EHD2: variants seen among roughly 807,000 people sequenced by gnomAD.
The protein encoded by EHD2 is EH domain-containing protein 2.
In EHD2, 27 loss-of-function variants were observed where a neutral mutation model predicts 41.0. The ratio of observed to expected loss-of-function variants is 0.66; its 90% CI spans 0.49 to 0.91. The LOEUF is 0.91. EHD2 is among the 40% of genes least tolerant of loss of function. The probability of loss-of-function intolerance (pLI) is 0.00; values close to 1 mark genes in which losing one functional copy is unlikely to be tolerated. For synonymous variants in EHD2, 342 were observed against 341.0 expected (o/e 1.00, Z -0.03); for missense variants, 673 against 773.9 (o/e 0.87, Z 1.55).
chr19:47,724,584 A>G (rs994400818), intron 3 of EHD2, among the ~76,000 whole-genome samples: 3 of 152,084 alleles, frequency 2.0e-5, no homozygotes, highest in Admixed American at 6.6e-5. Context: ...TGAGTGGATG[A>G]AGGAGTGAAT....
intron 5 of EHD2, among the ~76,000 whole-genome samples, chr19:47,737,588 C>T (rs12979972): frequency 6.6e-6 from 1 of 151,866 alleles, no homozygotes. Context: ...ACCCGGGAGG[C>T]AGAGGTTGCA....
At chr19:47,725,365 C>T (rs1973739399) in intron 3 of EHD2, among the ~76,000 whole-genome samples, 1 of 138,528 alleles carries the variant, frequency 7.2e-6, no homozygotes, top group Non-Finnish European at 1.5e-5. Flanking sequence ...GCCCGGCAGC[C>T]CGGGTAACAT....
At chr19:47,714,977 G>T (rs1426159810) in intron 1 of EHD2, among the ~76,000 whole-genome samples, 1 of 151,934 alleles carries the variant, frequency 6.6e-6, no homozygotes, top group East Asian at 1.9e-4. Flanking sequence ...GGTGAAGGCT[G>T]CAGTGAGCTG....
chr19:47,738,758 G>A (rs1966950913), intron 5 of EHD2, among the ~76,000 whole-genome samples: 1 of 152,150 alleles, frequency 6.6e-6, no homozygotes, highest in Admixed American at 6.5e-5. Flanking sequence ...TTGCAACCTA[G>A]GATCCCCAAC....
At chr19:47,729,941 T>G (rs1049128657) in intron 4 of EHD2, among the ~76,000 whole-genome samples, 1 of 151,986 alleles carries the variant, frequency 6.6e-6, no homozygotes, top group Non-Finnish European at 1.5e-5. Context: ...TGCCTCCTCC[T>G]GTCTCTCCAT....
intron 2 of EHD2, 83 bp from the exon 3 acceptor site, chr19:47,718,426 C>A: frequency 8.0e-7 from 1 of 1,247,934 alleles, no homozygotes; most frequent in Non-Finnish European, 1.1e-6. Context: ...GCCATGCGGT[C>A]CCGAGTCCCT....
intron 5 of EHD2, among the ~76,000 whole-genome samples, chr19:47,738,825 G>A (rs1039752246): frequency 3.3e-5 from 5 of 152,164 alleles, no homozygotes; most frequent in Admixed American, 6.6e-5. Flanking sequence ...TTCACATAGG[G>A]CTGTGAAAGG....
Position 47,741,422 on chromosome 19 carries a change from C to T in EHD2, c.1622C>T (p.Ser541Phe). Residue 541 changes from serine to phenylalanine, a missense_variant, in exon 6 of 6, where the codon TCC becomes TTC. Ser to Phe is a radical substitution (Grantham distance 155, BLOSUM62 -2). Transcript: ENST00000263277. The surrounding 1 kb of genome is among the most constrained non-coding windows in gnomAD (Gnocchi z 4.5). ...CCCTCCAAGCGACGCCACAAGGGCTCCGCCGAGTGAGCCGGCCCCCCTCCC... is the reference window on the plus strand; with the variant it reads ...CCCTCCAAGCGACGCCACAAGGGCTTCGCCGAGTGAGCCGGCCCCCCTCCC... ...VPPSKRRHKG[S>F]AE 6.5e-7 allele frequency: 1 copy of T among 1,544,402 alleles called. No homozygotes were observed. The highest frequency in any genetic ancestry group is 8.6e-7 in the Non-Finnish European group (1 of 1,158,972).
chr19:47,728,450 G>A (rs1251937853), intron 4 of EHD2, among the ~76,000 whole-genome samples: 1 of 151,760 alleles, frequency 6.6e-6, no homozygotes, highest in East Asian at 1.9e-4. Flanking sequence ...CCCCATATGC[G>A]TCCTTCTTTA....
Position 47,722,403 on chromosome 19 carries a change from G to A in EHD2, c.503-3409G>A, listed in dbSNP as rs556688067. On this transcript the variant is annotated intron_variant, in intron 3 of 5. Coordinates refer to ENST00000263277, the MANE Select transcript of EHD2 (RefSeq NM_014601.4). ...TTGGCCCTTCCTCCCCCAAAACAAC[G>A]GCCCCCAACCCCATCCCGGTCCCTG... Among the ~76,000 whole-genome samples, 253 of 152,122 alleles carry A rather than the reference G, an allele frequency of 1.7e-3. 3 individuals carry two copies. Among genetic ancestry groups the A allele is most frequent in the African/African-American group, 5.8e-3 (242 of 41,510 alleles).
chr19:47,736,542 C>G lies in EHD2; in HGVS notation c.1080+9C>G, dbSNP rs765497591. 5 of 1,584,986 alleles carry G rather than the reference C, an allele frequency of 3.2e-6. No individual in the cohort carries two copies. The Admixed American group carries it at 7.1e-5, about 23-fold the overall frequency. The stretch of plus-strand genomic sequence containing the variant: ...ATTGCCAGAAAATGCAGGTGGGAAG[C>G]TGCCCAGGAGGGAATGTTGGGGGTG... On this transcript the variant is annotated intron_variant, in intron 5 of 5. Transcript: ENST00000263277.
chr19:47,735,004 G>T (rs1032300267), intron 4 of EHD2, among the ~76,000 whole-genome samples: 10 of 152,036 alleles, frequency 6.6e-5, no homozygotes, highest in African/African-American at 2.2e-4. Context: ...GTGAGACAAG[G>T]TTGCGCCACT....
chr19:47,741,009 G>A lies in EHD2; in HGVS notation c.1209G>A (p.Glu403=). 1 of 1,610,768 alleles carries A rather than the reference G, an allele frequency of 6.2e-7. No homozygotes were observed. Among genetic ancestry groups the A allele is most frequent in the Non-Finnish European group, 8.5e-7 (1 of 1,179,880 alleles). Reference sequence around the variant, plus strand: ...CCCTGCTGCGGCAGGAGGAGCTGGAGAGCACCGAGGTGGGCGTGCAGGGGG... The same window carrying A: ...CCCTGCTGCGGCAGGAGGAGCTGGAAAGCACCGAGGTGGGCGTGCAGGGGG... The part of the protein sequence containing the change: ...LMPLLRQEEL[E]STEVGVQGGA... Residue 403 remains glutamate (E), a synonymous_variant, in exon 6 of 6, where the codon GAG becomes GAA. Transcript: ENST00000263277. This position sits in a 1 kb window ranked among gnomAD's most constrained non-coding sequence, Gnocchi z 4.5.
intron 4 of EHD2, among the ~76,000 whole-genome samples, chr19:47,731,036 GAGAGGAAGGGGTA>G (rs1459212746): frequency 2.0e-5 from 3 of 151,624 alleles, no homozygotes; most frequent in Non-Finnish European, 4.4e-5. Context: ...CGCTCTGAAG[GAGAGGAAGGGGTA>G]AGAGGAAGGG....
At chr19:47,733,751 CAAAAA>C (rs34254815) in intron 4 of EHD2, among the ~76,000 whole-genome samples, 6 of 57,124 alleles carry the variant, frequency 1.1e-4, no homozygotes, top group East Asian at 8.2e-4. Context: ...GACTCTGTCT[CAAAAA>C]AAAAAAAAAA....
rs1973626900 is a variant in EHD2 at position 47,716,582 on chromosome 19, C to G, written c.-31C>G. On this transcript the variant is annotated 5_prime_UTR_variant, in exon 2 of 6. Transcript: ENST00000263277. ...GGCAGCTCTCCATCTGCACGTCTCTCCGTGAACCCCGTGAGCGGTGTGCAG... is the reference window on the plus strand; with the variant it reads ...GGCAGCTCTCCATCTGCACGTCTCTGCGTGAACCCCGTGAGCGGTGTGCAG... 6.8e-7 allele frequency: 1 copy of G among 1,471,480 alleles called. No individual in the cohort carries two copies. The highest frequency in any genetic ancestry group is 2.5e-5 in the Admixed American group (1 of 40,078). 91.2% of individuals were successfully genotyped at this position (1,471,480 alleles called of 1,614,324 possible). A position where few individuals can be genotyped will look rare whatever the true frequency, so the allele number is the denominator to read the frequency against.
chr19:47,733,751 CAAA>C lies in EHD2; in HGVS notation c.916-2596_916-2594del, dbSNP rs34254815. Among the ~76,000 whole-genome samples, 194 of 57,124 alleles carry C rather than the reference CAAA, an allele frequency of 3.4e-3. 6 individuals are homozygous for C. In the South Asian group the frequency reaches 0.06, roughly 18 times the overall value. The allele number at this position is 57,124 out of a possible 152,430, so 37.5% of individuals were successfully genotyped here. On this transcript the variant is annotated intron_variant, in intron 4 of 5. Coordinates refer to ENST00000263277, the MANE Select transcript of EHD2 (RefSeq NM_014601.4). Reference sequence around the variant, plus strand: ...TGGGTGACAGAGCAAGACTCTGTCTCAAAAAAAAAAAAAAAAAAAAAAAATCCA... The same window carrying C: ...TGGGTGACAGAGCAAGACTCTGTCTCAAAAAAAAAAAAAAAAAAAAATCCA...
chr19:47,727,395 C>T (rs976711156), intron 4 of EHD2, among the ~76,000 whole-genome samples: 1 of 152,098 alleles, frequency 6.6e-6, no homozygotes, highest in Non-Finnish European at 1.5e-5. Flanking sequence ...CCGCGCCAGG[C>T]CCACAAGTAT....
rs1297455847 is a variant in EHD2 at position 47,726,107 on chromosome 19, C to T, written c.798C>T (p.Asp266=). ...SFWSQPLLVP[D]NRRLFELEEQ... ...GGTCCCAGCCCCTCCTCGTGCCCGA[C>T]AACCGGCGCCTCTTCGAGCTGGAGG... The change falls in exon 4 of 6, where the codon GAC becomes GAT. Residue 266 remains aspartate, a synonymous_variant. Transcript: ENST00000263277. 2 of 1,574,586 alleles carry T rather than the reference C, an allele frequency of 1.3e-6. No individual in the cohort carries two copies. The highest frequency in any genetic ancestry group is 1.7e-6 in the Non-Finnish European group (2 of 1,161,116).
Sources: allele counts gnomAD v4.1 joint callset (sites outside exome capture counted in the v4.1 genomes callset), GRCh38; gene constraint gnomAD v4.1.1; non-coding constraint Gnocchi (gnomAD v3.1); transcripts MANE v1.5; gene names NCBI Gene and HGNC (gene_info 2026-07-23, HGNC 2026-07-21).